The following ANKS1B variants were observed in gnomAD, a reference collection of about 807,000 sequenced individuals.
ANKS1B encodes the protein ankyrin repeat and sterile alpha motif domain-containing protein 1B.
In ANKS1B, 36 loss-of-function variants were observed where a neutral mutation model predicts 148.3. That is an observed-to-expected ratio of 0.24 (90% CI 0.19 to 0.32). ANKS1B has a LOEUF of 0.32. Ranked by LOEUF, ANKS1B falls within the 10% of genes least tolerant of loss-of-function variation. The pLI is 1.00. For synonymous variants in ANKS1B, 542 were observed against 560.8 expected (o/e 0.97, Z 0.47); for missense variants, 1,157 against 1,542.6 (o/e 0.75, Z 4.19).
intron 11 of ANKS1B, among the ~76,000 whole-genome samples, chr12:99,438,107 T>C (rs12296311): frequency 0.017 from 2,611 of 152,020 alleles, 81 homozygotes; most frequent in African/African-American, 0.06. Flanking sequence ...TTTCTTCTTT[T>C]ATTTTTCTCA....
chr12:98,910,084 A>G (rs1482315750), intron 17 of ANKS1B, among the ~76,000 whole-genome samples: 1 of 152,244 alleles, frequency 6.6e-6, no homozygotes, highest in Non-Finnish European at 1.5e-5. Flanking sequence ...CTCCAAGCCT[A>G]TCTGGGCTTT....
At chr12:99,552,257 C>T (rs1324276695) in intron 9 of ANKS1B, among the ~76,000 whole-genome samples, 1 of 152,148 alleles carries the variant, frequency 6.6e-6, no homozygotes. Context: ...TTACGAGTTC[C>T]AAGAAAACAG....
chr12:98,864,360 C>A (rs1029012706), intron 17 of ANKS1B, among the ~76,000 whole-genome samples: 3 of 152,142 alleles, frequency 2.0e-5, no homozygotes, highest in Admixed American at 6.5e-5. Flanking sequence ...ACAGTAGTCA[C>A]CCTACTGGGC....
intron 9 of ANKS1B, among the ~76,000 whole-genome samples, chr12:99,620,255 A>G (rs976226673): frequency 6.6e-6 from 1 of 152,234 alleles, no homozygotes; most frequent in Non-Finnish European, 1.5e-5. Context: ...TCCTAGATGC[A>G]TGAGAATAAT....
At chr12:99,549,449 A>G (rs2097198984) in intron 9 of ANKS1B, among the ~76,000 whole-genome samples, 1 of 152,236 alleles carries the variant, frequency 6.6e-6, no homozygotes, top group Non-Finnish European at 1.5e-5. Context: ...AATTTGCTAA[A>G]TTAAGTTATG....
intron 8 of ANKS1B, among the ~76,000 whole-genome samples, chr12:99,707,267 C>T (rs1045812408): frequency 1.3e-5 from 2 of 152,096 alleles, no homozygotes; most frequent in African/African-American, 2.4e-5. Context: ...GACACTGCTA[C>T]ACCTAAGGTT....
intron 9 of ANKS1B, among the ~76,000 whole-genome samples, chr12:99,531,976 T>G (rs925011345): frequency 1.3e-5 from 2 of 152,204 alleles, no homozygotes; most frequent in Non-Finnish European, 2.9e-5. Flanking sequence ...ATGTGTTTGT[T>G]GGCCATTTGT....
At chr12:99,057,490 G>C (rs1311553037) in intron 16 of ANKS1B, among the ~76,000 whole-genome samples, 3 of 151,934 alleles carry the variant, frequency 2.0e-5, no homozygotes, top group African/African-American at 7.3e-5. Flanking sequence ...TCTTGTTTTA[G>C]AAATGGTTTG....
intron 14 of ANKS1B, among the ~76,000 whole-genome samples, chr12:99,175,405 T>C (rs1425353507): frequency 6.6e-6 from 1 of 152,222 alleles, no homozygotes; most frequent in Non-Finnish European, 1.5e-5. Flanking sequence ...TTCATTTGTG[T>C]TTCATATACA....
chr12:99,000,027 C>T (rs1206513860), intron 17 of ANKS1B, among the ~76,000 whole-genome samples: 2 of 151,950 alleles, frequency 1.3e-5, no homozygotes, highest in East Asian at 1.9e-4. Context: ...AAGCCCAATC[C>T]CTCTTCTTAT....
intron 9 of ANKS1B, among the ~76,000 whole-genome samples, chr12:99,594,885 T>TG (rs2097742204): frequency 6.6e-6 from 1 of 151,194 alleles, no homozygotes; most frequent in African/African-American, 2.4e-5. Flanking sequence ...CTTACTATAA[T>TG]AAAAAAAAAT....
intron 14 of ANKS1B, among the ~76,000 whole-genome samples, chr12:99,216,318 T>C (rs2084185347): frequency 6.6e-6 from 1 of 152,206 alleles, no homozygotes; most frequent in African/African-American, 2.4e-5. Flanking sequence ...AATGGAGTCA[T>C]ACACCCTGGG....
chr12:99,565,525 A>G (rs1163494945), intron 9 of ANKS1B, among the ~76,000 whole-genome samples: 1 of 152,132 alleles, frequency 6.6e-6, no homozygotes, highest in Admixed American at 6.6e-5. Flanking sequence ...CCAGGGAGTA[A>G]ATGGGAGTTT....
At chr12:98,738,334 T>C (rs17028658) in intron 9 of ANKS1B, among the ~76,000 whole-genome samples, 11,833 of 152,246 alleles carry the variant, frequency 0.078, 633 homozygotes, top group East Asian at 0.26. Context: ...TAGAAAAATC[T>C]GCCTCTGTAA....
chr12:98,803,670 G>A (rs935311679), intron 20 of ANKS1B, among the ~76,000 whole-genome samples: 1 of 152,198 alleles, frequency 6.6e-6, no homozygotes, highest in Non-Finnish European at 1.5e-5. Context: ...GCATGAGCTG[G>A]TGGTGCCATG....
At chr12:99,237,500 A>G (rs2088238248) in intron 14 of ANKS1B, among the ~76,000 whole-genome samples, 1 of 152,226 alleles carries the variant, frequency 6.6e-6, no homozygotes, top group African/African-American at 2.4e-5. Flanking sequence ...TGTAAGGAAG[A>G]AAATAATACT....
chr12:99,122,431 A>G (rs1469617775), intron 15 of ANKS1B, among the ~76,000 whole-genome samples: 1 of 152,220 alleles, frequency 6.6e-6, no homozygotes, highest in Non-Finnish European at 1.5e-5. Context: ...ATGAATCTTC[A>G]AATATTTCTA....
In ANKS1B at chr12:98,744,151, T is replaced by C; in HGVS notation, c.*1588A>G. 4 of 985,748 alleles carry C rather than the reference T, an allele frequency of 4.1e-6. No individual in the cohort carries two copies. Among genetic ancestry groups the C allele is most frequent in the Non-Finnish European group, 4.8e-6 (4 of 829,808 alleles). 61.1% of individuals were successfully genotyped at this position (985,748 alleles called of 1,614,324 possible). A position where few individuals can be genotyped will look rare whatever the true frequency, so the allele number is the denominator to read the frequency against. On this transcript the variant is annotated 3_prime_UTR_variant, in exon 27 of 27. Transcript: ENST00000683438. The stretch of plus-strand genomic sequence containing the variant: ...GCCTCCTGGTACCATATTTTAGTGT[T>C]ATTTAACTCTCATTTTGCTACATAC...
chr12:99,619,092 T>A (rs2098012087), intron 9 of ANKS1B, among the ~76,000 whole-genome samples: 1 of 152,030 alleles, frequency 6.6e-6, no homozygotes, highest in South Asian at 2.1e-4. Flanking sequence ...CCTGCTCCCC[T>A]GAGTTCATGG....
Sources: allele counts gnomAD v4.1 joint callset (sites outside exome capture counted in the v4.1 genomes callset), GRCh38; gene constraint gnomAD v4.1.1; transcripts MANE v1.5; gene names NCBI Gene and HGNC (gene_info 2026-07-23, HGNC 2026-07-21).